The following SHISA9 variants were observed in gnomAD, a reference collection of about 807,000 sequenced individuals.
The protein encoded by SHISA9 is protein shisa-9.
A neutral mutation model predicts 38.0 loss-of-function variants in SHISA9; 13 were observed. That is an observed-to-expected ratio of 0.34 (90% CI 0.22 to 0.54). The LOEUF is 0.54. SHISA9 is among the 20% of genes least tolerant of loss of function. The pLI is 0.91. For missense variants in SHISA9, 538 were observed against 575.8 expected (o/e 0.93, Z 0.67); for synonymous variants, 275 against 242.0 (o/e 1.14, Z -1.27).
At chr16:13,436,808 GT>G in the SHISA9 span, among the ~76,000 whole-genome samples, 1 of 152,172 alleles carries the variant, frequency 6.6e-6, no homozygotes, top group Non-Finnish European at 1.5e-5. Context: ...GTCACGTATT[GT>G]TTGGCCACGT....
chr16:13,311,356 A>G, the SHISA9 span, among the ~76,000 whole-genome samples: 1 of 152,132 alleles, frequency 6.6e-6, no homozygotes, highest in Non-Finnish European at 1.5e-5. Flanking sequence ...ATTTACACTA[A>G]AAATATTTCA....
chr16:13,188,060 A>T (rs2050845497), intron 2 of SHISA9, among the ~76,000 whole-genome samples: 1 of 152,148 alleles, frequency 6.6e-6, no homozygotes, highest in Non-Finnish European at 1.5e-5. Context: ...GGAAAAGCTG[A>T]GCCTCATTTT....
At chr16:13,442,981 C>G in the SHISA9 span, among the ~76,000 whole-genome samples, 3 of 152,090 alleles carry the variant, frequency 2.0e-5, no homozygotes, top group Admixed American at 2.0e-4. Flanking sequence ...CTGACTGTTT[C>G]CTACTCTCCT....
intron 3 of SHISA9, among the ~76,000 whole-genome samples, chr16:13,207,301 A>G (rs2051074582): frequency 6.6e-6 from 1 of 152,222 alleles, no homozygotes; most frequent in Non-Finnish European, 1.5e-5. Context: ...CCTTGATTTT[A>G]TCCAAGATTT....
At chr16:13,193,669 AC>A (rs2050909452) in intron 2 of SHISA9, among the ~76,000 whole-genome samples, 1 of 152,116 alleles carries the variant, frequency 6.6e-6, no homozygotes, top group Non-Finnish European at 1.5e-5. Flanking sequence ...TGAGCACATG[AC>A]TTTTGTCTGA....
At chr16:12,951,482 G>C (rs773840916) in intron 2 of SHISA9, among the ~76,000 whole-genome samples, 2 of 152,106 alleles carry the variant, frequency 1.3e-5, no homozygotes, top group Admixed American at 6.6e-5. Flanking sequence ...TATACAAATA[G>C]GCATGGCTGT....
chr16:13,053,203 T>G (rs552968276), intron 2 of SHISA9, among the ~76,000 whole-genome samples: 26 of 152,130 alleles, frequency 1.7e-4, no homozygotes, highest in Non-Finnish European at 3.2e-4. Context: ...CCTCCGGTGA[T>G]CCGCCCACCT....
chr16:13,560,405 A>G, the SHISA9 span, among the ~76,000 whole-genome samples: 1 of 152,194 alleles, frequency 6.6e-6, no homozygotes, highest in South Asian at 2.1e-4. Flanking sequence ...GGAGCTAAGT[A>G]TTGGTATCAG....
chr16:13,555,796 A>T, the SHISA9 span, among the ~76,000 whole-genome samples: 1 of 152,126 alleles, frequency 6.6e-6, no homozygotes, highest in Non-Finnish European at 1.5e-5. Context: ...GGGAAGTGGA[A>T]AGGTATTTTG....
At chr16:13,223,203 G>T (rs1041621158) in intron 4 of SHISA9, among the ~76,000 whole-genome samples, 1 of 152,130 alleles carries the variant, frequency 6.6e-6, no homozygotes, top group Non-Finnish European at 1.5e-5. Context: ...GAGGCAGGAG[G>T]ATTGCTTGAG....
At chr16:13,369,001 G>C in the SHISA9 span, among the ~76,000 whole-genome samples, 3 of 152,070 alleles carry the variant, frequency 2.0e-5, no homozygotes, top group African/African-American at 7.2e-5. Flanking sequence ...TGTGATGTTG[G>C]TGAAAGAAAA....
the SHISA9 span, among the ~76,000 whole-genome samples, chr16:13,270,491 A>G: frequency 6.6e-6 from 1 of 152,236 alleles, no homozygotes; most frequent in South Asian, 2.1e-4. Flanking sequence ...GAGCTTTGCA[A>G]GAATGTATTT....
In SHISA9 at chr16:13,019,055, C is replaced by T. The variant is rs183239044; in HGVS notation, c.691+102240C>T. 3.9e-5 allele frequency among the ~76,000 whole-genome samples: 6 copies of T among 152,146 alleles called. No homozygotes were observed. In the South Asian group the frequency reaches 6.2e-4, roughly 16 times the overall value. On this transcript the variant is annotated intron_variant, in intron 2 of 4. Transcript: ENST00000558583. The stretch of plus-strand genomic sequence containing the variant: ...TGCTCTGTTGCTCAGGCTGTAGTGC[C>T]GTGGCACGATCTTGGATGATTGCAA...
chr16:12,933,327 C>G, intron 2 of SHISA9, among the ~76,000 whole-genome samples: 1 of 151,604 alleles, frequency 6.6e-6, no homozygotes, highest in East Asian at 1.9e-4. Flanking sequence ...TGGAGTCTTG[C>G]TCTGCCACCC....
At chr16:13,181,971 G>A (rs1482258526) in intron 2 of SHISA9, among the ~76,000 whole-genome samples, 3 of 152,190 alleles carry the variant, frequency 2.0e-5, no homozygotes, top group African/African-American at 7.2e-5. Context: ...AATAAGTATG[G>A]TGCAAAACAG....
chr16:13,334,260 T>A, the SHISA9 span, among the ~76,000 whole-genome samples: 1 of 152,210 alleles, frequency 6.6e-6, no homozygotes, highest in Non-Finnish European at 1.5e-5. Context: ...AACATACCTC[T>A]TAGTGGTTAT....
intron 2 of SHISA9, among the ~76,000 whole-genome samples, chr16:13,089,086 G>T (rs1183554489): frequency 3.3e-5 from 5 of 152,158 alleles, no homozygotes; most frequent in Non-Finnish European, 5.9e-5. Context: ...TTTGTCTTTG[G>T]TTCTGTTGAT....
the SHISA9 span, among the ~76,000 whole-genome samples, chr16:13,509,682 T>C: frequency 6.6e-6 from 1 of 152,216 alleles, no homozygotes; most frequent in South Asian, 2.1e-4. Context: ...ATGGACTCCT[T>C]GTTTTAAGAG....
chr16:12,985,438 G>A lies in SHISA9; in HGVS notation c.691+68623G>A, dbSNP rs1038309891. On this transcript the variant is annotated intron_variant, in intron 2 of 4. Coordinates refer to ENST00000558583, the MANE Select transcript of SHISA9 (RefSeq NM_001145204.3). ...TGCATCTGTGAAAAGAGAAGACTAT[G>A]ACCACCTTGAAAACTTGTGAGGTTG... is the stretch of plus-strand genomic sequence containing the variant. 3.3e-5 allele frequency among the ~76,000 whole-genome samples: 5 copies of A among 152,088 alleles called. No individual in the cohort carries two copies. The East Asian group carries it at 9.6e-4, about 29-fold the overall frequency.
Sources: allele counts gnomAD v4.1 joint callset (sites outside exome capture counted in the v4.1 genomes callset), GRCh38; gene constraint gnomAD v4.1.1; transcripts MANE v1.5; gene names NCBI Gene and HGNC (gene_info 2026-07-23, HGNC 2026-07-21).